SLC11A1: variants seen among roughly 807,000 people sequenced by gnomAD.
SLC11A1 encodes the protein solute carrier family 11 member 1, also known as natural resistance-associated macrophage protein 1.
SLC11A1 carries 59 observed loss-of-function variants against 63.2 expected under a neutral mutation model. The ratio of observed to expected loss-of-function variants is 0.93; its 90% CI spans 0.76 to 1.16. SLC11A1 has a LOEUF of 1.16. SLC11A1 is among the 50% of genes most tolerant of loss of function. SLC11A1 has a pLI of 0.00. For synonymous variants in SLC11A1, 305 were observed against 307.8 expected, an observed-to-expected ratio of 0.99 and a Z score of 0.09; for missense variants, 688 against 730.7, an observed-to-expected ratio of 0.94 and a Z score of 0.67.
intron 4 of SLC11A1, 37 bp from the exon 5 acceptor site, chr2:218,386,598 G>C: frequency 1.4e-6 from 2 of 1,459,004 alleles, no homozygotes; most frequent in Non-Finnish European, 1.9e-6. Context: ...GCAAATAACC[G>C]GCCCACCCTT....
chr2:218,391,119 T>C, intron 9 of SLC11A1, 79 bp from the exon 10 acceptor site: 2 of 1,276,190 alleles, frequency 1.6e-6, no homozygotes, highest in Non-Finnish European at 2.3e-6. Context: ...TTTGGAACCC[T>C]GGTCAGTGCT....
chr2:218,393,498 C>T (rs1308188101), intron 12 of SLC11A1, among the ~76,000 whole-genome samples: 7 of 131,406 alleles, frequency 5.3e-5, no homozygotes, highest in South Asian at 2.4e-4. Flanking sequence ...TTTTTTGAGA[C>T]GGAGTTTCAC....
In SLC11A1 at chr2:218,387,551, G is replaced by T. The variant is rs777036428; in HGVS notation, c.572-14G>T. On this transcript the variant is annotated splice_polypyrimidine_tract_variant and intron_variant, in intron 6 of 14. Coordinates refer to ENST00000233202, the MANE Select transcript of SLC11A1 (RefSeq NM_000578.4). Reference sequence around the variant, plus strand: ...TTTCGTTGGTTTGTTTAGTTTGTTTGTTCTGCTCCGTAGGGCTGCGGAAGC... The same window carrying T: ...TTTCGTTGGTTTGTTTAGTTTGTTTTTTCTGCTCCGTAGGGCTGCGGAAGC... 1.2e-6 allele frequency: 2 copies of T among 1,613,872 alleles called. No individual in the cohort carries two copies. The highest frequency in any genetic ancestry group is 4.5e-5 in the East Asian group (2 of 44,890).
At chr2:218,386,854 G>A in intron 5 of SLC11A1, 113 bp downstream of exon 5, 1 of 793,964 alleles carries the variant, frequency 1.3e-6, no homozygotes, top group Non-Finnish European at 2.2e-6. Flanking sequence ...CCCCTCTGAA[G>A]CAGGGCTGCT....
Position 218,384,327 on chromosome 2 carries a change from G to A in SLC11A1, c.235G>A (p.Glu79Lys), listed in dbSNP as rs778308131. 8.1e-6 allele frequency: 13 copies of A among 1,608,138 alleles called. No individual in the cohort carries two copies. Among genetic ancestry groups the A allele is most frequent in the African/African-American group, 4.0e-5 (3 of 74,810 alleles). Residue 79 changes from glutamate (E) to lysine (K), a missense_variant, in exon 3 of 15, where the codon GAG becomes AAG. Glu to Lys is a moderately conservative substitution (Grantham distance 56). Transcript: ENST00000233202. This position sits in a 1 kb window ranked among gnomAD's most constrained non-coding sequence, Gnocchi z 4.0. ...SIAFLDPGNI[E>K]SDLQAGAVAG... ...TGCTTTCCTGGACCCAGGAAACATC[G>A]AGTCAGATCTTCAGGCTGGCGCCGT...
At chr2:218,383,259 C>G (rs1256307272) in intron 2 of SLC11A1, 157 bp downstream of exon 2, 2 of 727,352 alleles carry the variant, frequency 2.7e-6, no homozygotes, top group Non-Finnish European at 4.4e-6. Flanking sequence ...CTTCCTGCTT[C>G]CGTCCCCAGT....
rs766793248 is a variant in SLC11A1 at position 218,393,031 on chromosome 2, C to T, written c.1215C>T (p.Arg405=). 2 of 1,600,758 alleles carry T rather than the reference C, an allele frequency of 1.2e-6. No homozygotes were observed. The highest frequency in any genetic ancestry group is 1.3e-5 in the African/African-American group (1 of 74,532). Residue 405 remains arginine (R), a synonymous_variant, in exon 12 of 15, where the codon CGC becomes CGT. Coordinates refer to ENST00000233202, the MANE Select transcript of SLC11A1 (RefSeq NM_000578.4). Reference sequence around the variant, plus strand: ...GCTTCGCCCGTGTCCTCCTCACCCGCTCCTGCGCCATCCTGCCCACCGTGC... The same window carrying T: ...GCTTCGCCCGTGTCCTCCTCACCCGTTCCTGCGCCATCCTGCCCACCGTGC... ...WSRFARVLLT[R]SCAILPTVLV...
At chr2:218,394,877 C>T (rs1175710455) in intron 14 of SLC11A1, 48 bp from the exon 15 acceptor site, 1 of 1,605,744 alleles carries the variant, frequency 6.2e-7, no homozygotes, top group Admixed American at 1.7e-5. Context: ...AATGGGGCTT[C>T]CCCAGAGGTC....
At chr2:218,391,654 C>T (rs1405715851) in intron 11 of SLC11A1, 159 bp downstream of exon 11, 15 of 977,892 alleles carry the variant, frequency 1.5e-5, no homozygotes, top group African/African-American at 1.1e-4. Context: ...GACGGAGTCT[C>T]GCTCTTGTCG....
rs1695967366 is a variant in SLC11A1, at chr2:218,384,418, C to T, written c.273+53C>T. On this transcript the variant is annotated intron_variant, in intron 3 of 14. Transcript: ENST00000233202. This position sits in a 1 kb window ranked among gnomAD's most constrained non-coding sequence, Gnocchi z 4.0. ...CACTTTCGAGAGGGAGGTGACCAGG[C>T]TAAGTGTTGAAGGCCCCTGCTGGCC... is the stretch of plus-strand genomic sequence containing the variant. 4.5e-6 allele frequency: 7 copies of T among 1,560,710 alleles called. No homozygotes were observed. Among genetic ancestry groups the T allele is most frequent in the Middle Eastern group, 1.7e-4 (1 of 5,866 alleles).
chr2:218,384,108 G>A lies in SLC11A1; in HGVS notation c.151-135G>A. 1.1e-6 allele frequency: 1 copy of A among 894,846 alleles called. No individual in the cohort carries two copies. Among genetic ancestry groups the A allele is most frequent in the Non-Finnish European group, 1.6e-6 (1 of 628,808 alleles). The allele number at this position is 894,846 out of a possible 1,614,324, so 55.4% of individuals were successfully genotyped here. A position where few individuals can be genotyped will look rare whatever the true frequency, so the allele number is the denominator to read the frequency against. The stretch of plus-strand genomic sequence containing the variant: ...TGCCCTCCCCATCCCTTGGGTGGCA[G>A]ACCCAGGAATGGGCCATGGAGGGCA... On this transcript the variant is annotated intron_variant, in intron 2 of 14. Coordinates refer to ENST00000233202, the MANE Select transcript of SLC11A1 (RefSeq NM_000578.4). The surrounding 1 kb of genome is among the most constrained non-coding windows in gnomAD (Gnocchi z 4.0).
At chr2:218,391,354 C>G (rs1394912779) in intron 10 of SLC11A1, 22 bp from the exon 11 acceptor site, 2 of 1,613,936 alleles carry the variant, frequency 1.2e-6, no homozygotes, top group East Asian at 4.5e-5. Flanking sequence ...GGCCACCGGT[C>G]CTACCACACT....
chr2:218,395,194 AT>A lies in SLC11A1; in HGVS notation c.*161del. ...TGCTGTTTCCTAGCGCAGCCATGTG[AT>A]TACCCTCTGGGTCTCAGTGTCCTCA... On this transcript the variant is annotated 3_prime_UTR_variant, in exon 15 of 15. Coordinates refer to ENST00000233202, the MANE Select transcript of SLC11A1 (RefSeq NM_000578.4). 1.6e-6 allele frequency: 1 copy of A among 611,616 alleles called. No homozygotes were observed. The highest frequency in any genetic ancestry group is 2.9e-6 in the Non-Finnish European group (1 of 344,276). 37.9% of individuals were successfully genotyped at this position (611,616 alleles called of 1,614,324 possible).
chr2:218,394,717 C>T lies in SLC11A1; in HGVS notation c.1474C>T (p.Pro492Ser), dbSNP rs1696657686. The T allele has an allele frequency of 6.2e-7, 1 of 1,614,016 alleles. No individual in the cohort carries two copies. Among genetic ancestry groups the T allele is most frequent in the Non-Finnish European group, 8.5e-7 (1 of 1,180,032 alleles). Residue 492 changes from proline (P) to serine (S), a missense_variant, in exon 14 of 15, where the codon CCC becomes TCC. Coordinates refer to ENST00000233202, the MANE Select transcript of SLC11A1 (RefSeq NM_000578.4). ...CGTGGTCAGCTATCTGCCCAGCCTG[C>T]CCCACCCTGCCTACTTCGGCCTTGC... Reference protein sequence around the residue: ...YFVVSYLPSLPHPAYFGLAAL... With the variant: ...YFVVSYLPSLSHPAYFGLAAL...
intron 5 of SLC11A1, 123 bp from the exon 6 acceptor site, chr2:218,387,037 C>T: frequency 1.1e-6 from 1 of 882,334 alleles, no homozygotes; most frequent in Non-Finnish European, 1.9e-6. Context: ...CTTGCCCTAG[C>T]TGTCTGGGGG....
Position 218,387,237 on chromosome 2 carries a change from G to A in SLC11A1, c.571+7G>A. The A allele has an allele frequency of 1.9e-6, 3 of 1,608,428 alleles. No individual in the cohort carries two copies. Among genetic ancestry groups the A allele is most frequent in the Non-Finnish European group, 2.6e-6 (3 of 1,175,776 alleles). On this transcript the variant is annotated splice_region_variant and intron_variant, in intron 6 of 14. Transcript: ENST00000233202. ...CTCTTCCTCGATAACTACGGTGGGTGCACACCCCACCTCATAGGGGAGTGG... is the reference window on the plus strand; with the variant it reads ...CTCTTCCTCGATAACTACGGTGGGTACACACCCCACCTCATAGGGGAGTGG...
intron 2 of SLC11A1, chr2:218,383,592 G>A (rs1695917691): frequency 6.5e-6 from 1 of 152,814 alleles, no homozygotes; most frequent in African/African-American, 2.4e-5. Context: ...CGATTCTCCT[G>A]CCCCGGCCTC....
In SLC11A1 at chr2:218,386,638, C is replaced by G; in HGVS notation, c.397C>G (p.Pro133Ala). ...AAGGATCATCTCCTCCCCATAGGTG[C>G]CCCGCACCGTCCTCTGGCTGACCAT... ...EVCHLYYPKVPRTVLWLTIEL... is the reference protein window; with the variant it reads ...EVCHLYYPKVARTVLWLTIEL... The change falls in exon 5 of 15, where the codon CCC becomes GCC. Residue 133 changes from proline (P) to alanine (A), a missense_variant. Transcript: ENST00000233202. 6.2e-7 allele frequency: 1 copy of G among 1,612,028 alleles called. No homozygotes were observed. The highest frequency in any genetic ancestry group is 1.1e-5 in the South Asian group (1 of 90,954).
intron 4 of SLC11A1, 39 bp from the exon 5 acceptor site, chr2:218,386,596 C>T: frequency 1.4e-6 from 2 of 1,444,632 alleles, no homozygotes; most frequent in East Asian, 2.3e-5. Flanking sequence ...AGGCAAATAA[C>T]CGGCCCACCC....
Sources: gnomAD v4.1 joint callset for allele counts (sites outside exome capture counted in the v4.1 genomes callset) on GRCh38, gnomAD v4.1.1 for gene constraint, Gnocchi (gnomAD v3.1) non-coding constraint, MANE v1.5 for transcripts, NCBI Gene and HGNC (gene_info 2026-07-23, HGNC 2026-07-21) for gene names.